ANO3: variants seen among roughly 807,000 people sequenced by gnomAD.
ANO3 encodes the protein anoctamin-3.
A neutral mutation model predicts 144.8 loss-of-function variants in ANO3; 99 were observed. That is an observed-to-expected ratio of 0.68 (90% CI 0.58 to 0.81). The LOEUF is 0.81. Among genes scored for constraint, ANO3 ranks in the 30% least tolerant of loss-of-function variants. The pLI is 0.00. For missense variants in ANO3, 905 were observed against 1,202.2 expected (o/e 0.75, Z 3.66); for synonymous variants, 414 against 392.6 (o/e 1.05, Z -0.64).
intron 1 of ANO3, among the ~76,000 whole-genome samples, chr11:26,199,511 A>C (rs1317289686): frequency 6.6e-6 from 1 of 152,184 alleles, no homozygotes; most frequent in African/African-American, 2.4e-5. Flanking sequence ...GATGGGACAC[A>C]GGAATAAATT....
chr11:26,610,997 C>A (rs192711787), intron 17 of ANO3, among the ~76,000 whole-genome samples: 1 of 152,138 alleles, frequency 6.6e-6, no homozygotes, highest in East Asian at 1.9e-4. Flanking sequence ...CCTTTTTCAT[C>A]TCTGATTTTA....
intron 9 of ANO3, among the ~76,000 whole-genome samples, chr11:26,536,093 C>T (rs1406327721): frequency 2.0e-5 from 3 of 149,102 alleles, no homozygotes; most frequent in South Asian, 2.2e-4. Context: ...GCCAAGGTGG[C>T]TCGATCACCT....
chr11:26,292,724 G>C (rs1047132571), intron 1 of ANO3, among the ~76,000 whole-genome samples: 1 of 152,152 alleles, frequency 6.6e-6, no homozygotes, highest in Admixed American at 6.5e-5. Flanking sequence ...GACCCAGTTT[G>C]CCTGGGTATC....
At chr11:26,591,262 G>A (rs2087971) in intron 14 of ANO3, among the ~76,000 whole-genome samples, 62,266 of 151,856 alleles carry the variant, frequency 0.41, 12,995 homozygotes, top group Middle Eastern at 0.52. Flanking sequence ...GCCAACGACC[G>A]CTCTTAACTG....
intron 1 of ANO3, among the ~76,000 whole-genome samples, chr11:26,326,817 G>A (rs979331080): frequency 6.6e-6 from 1 of 152,140 alleles, no homozygotes; most frequent in African/African-American, 2.4e-5. Context: ...TCACACCCAG[G>A]ATACTTGCTG....
At chr11:26,605,566 T>C (rs917175677) in intron 17 of ANO3, among the ~76,000 whole-genome samples, 1 of 152,196 alleles carries the variant, frequency 6.6e-6, no homozygotes, top group African/African-American at 2.4e-5. Context: ...TGGGCTTTTT[T>C]TGGTTGCTAG....
intron 1 of ANO3, among the ~76,000 whole-genome samples, chr11:26,365,478 G>A (rs113053013): frequency 0.016 from 2,504 of 152,306 alleles, 63 homozygotes; most frequent in African/African-American, 0.057. Context: ...CTCTGTGAGG[G>A]CTCCACCCCT....
At chr11:26,262,657 G>A (rs1241422460) in intron 1 of ANO3, among the ~76,000 whole-genome samples, 2 of 152,028 alleles carry the variant, frequency 1.3e-5, no homozygotes, top group Non-Finnish European at 2.9e-5. Context: ...ATTAGGACCT[G>A]TGAGAAGGCA....
At chr11:26,517,066 T>G (rs921186200) in intron 6 of ANO3, 139 bp downstream of exon 6, 1 of 469,430 alleles carries the variant, frequency 2.1e-6, no homozygotes, top group African/African-American at 2.0e-5. Flanking sequence ...TCTGGACAGT[T>G]TTTTTTTCTT....
intron 3 of ANO3, among the ~76,000 whole-genome samples, chr11:26,460,576 A>G (rs1368098491): frequency 6.6e-6 from 1 of 152,092 alleles, no homozygotes; most frequent in Admixed American, 6.6e-5. Flanking sequence ...AGGGGAAAAA[A>G]AGATCTGAAA....
intron 4 of ANO3, among the ~76,000 whole-genome samples, chr11:26,473,212 C>G (rs1859844702): frequency 6.6e-6 from 1 of 151,970 alleles, no homozygotes; most frequent in Admixed American, 6.6e-5. Context: ...GTGGTTACTT[C>G]TTAGGTTCAG....
upstream of ANO3, among the ~76,000 whole-genome samples, chr11:26,328,375 A>AC (rs1330242270): frequency 1.3e-5 from 2 of 152,206 alleles, no homozygotes; most frequent in Admixed American, 1.3e-4. Flanking sequence ...TAGAAGCAGG[A>AC]AAGTACTGCT....
intron 1 of ANO3, chr11:26,426,952 G>C (rs1857937927): frequency 1.3e-5 from 2 of 152,252 alleles, no homozygotes; most frequent in Admixed American, 6.5e-5. Context: ...AACATTCCTT[G>C]AAGTAAAGCA....
At chr11:26,318,778 G>C (rs1490847570) in intron 1 of ANO3, among the ~76,000 whole-genome samples, 2 of 152,156 alleles carry the variant, frequency 1.3e-5, no homozygotes, top group African/African-American at 2.4e-5. Flanking sequence ...GCACATCTAG[G>C]AATATATTTT....
At chr11:26,341,400 CAGTA>C (rs1158874699) in intron 1 of ANO3, among the ~76,000 whole-genome samples, 2 of 152,132 alleles carry the variant, frequency 1.3e-5, no homozygotes, top group East Asian at 1.9e-4. Context: ...GATTGTTACA[CAGTA>C]AGTAATCATG....
chr11:26,521,721 T>A (rs1361946941), intron 6 of ANO3, among the ~76,000 whole-genome samples: 1 of 152,200 alleles, frequency 6.6e-6, no homozygotes, highest in Non-Finnish European at 1.5e-5. Flanking sequence ...AGCTGATTCC[T>A]ATTCATGCTT....
At chr11:26,604,184 C>G (rs1851874740) in intron 17 of ANO3, among the ~76,000 whole-genome samples, 1 of 152,068 alleles carries the variant, frequency 6.6e-6, no homozygotes, top group Non-Finnish European at 1.5e-5. Flanking sequence ...CTCCCCATTG[C>G]TTGTTTTTGT....
intron 1 of ANO3, among the ~76,000 whole-genome samples, chr11:26,341,877 G>C (rs1855371570): frequency 6.6e-6 from 1 of 152,184 alleles, no homozygotes; most frequent in African/African-American, 2.4e-5. Context: ...AAGGGAGAAA[G>C]ATGAGGCTGG....
chr11:26,459,565 C>A (rs1859300178), intron 3 of ANO3, among the ~76,000 whole-genome samples: 1 of 150,730 alleles, frequency 6.6e-6, no homozygotes, highest in Non-Finnish European at 1.5e-5. Flanking sequence ...AGTCAACAAA[C>A]AAGACAACAA....
Sources: gnomAD v4.1 joint callset for allele counts (sites outside exome capture counted in the v4.1 genomes callset) on GRCh38, gnomAD v4.1.1 for gene constraint, MANE v1.5 for transcripts, NCBI Gene and HGNC (gene_info 2026-07-23, HGNC 2026-07-21) for gene names.